Variants in SOX6 observed in about 807,000 individuals in gnomAD.
The protein encoded by SOX6 is transcription factor SOX-6.
SOX6 carries 11 observed loss-of-function variants against 97.8 expected under a neutral mutation model. The observed-to-expected ratio is 0.11, with a 90% CI of 0.07 to 0.19. SOX6 has a LOEUF of 0.19. Ranked by LOEUF, SOX6 falls within the 10% of genes least tolerant of loss-of-function variation. The pLI is 1.00. For synonymous variants in SOX6, 360 were observed against 371.4 expected, an observed-to-expected ratio of 0.97 and a Z score of 0.35; for missense variants, 810 against 1,039.5, an observed-to-expected ratio of 0.78 and a Z score of 3.04.
At chr11:16,322,391 C>T (rs1038646297) in intron 2 of SOX6, among the ~76,000 whole-genome samples, 3 of 152,174 alleles carry the variant, frequency 2.0e-5, no homozygotes, top group Non-Finnish European at 4.4e-5. Context: ...TTCCCCTTTG[C>T]TTTCCGCCAT....
chr11:16,019,472 T>C (rs1049980098), intron 12 of SOX6, among the ~76,000 whole-genome samples: 5 of 152,088 alleles, frequency 3.3e-5, no homozygotes, highest in Non-Finnish European at 5.9e-5. Flanking sequence ...TAAAAAATGA[T>C]TATCTCATGT....
intron 2 of SOX6, among the ~76,000 whole-genome samples, chr11:16,717,260 T>G (rs1405970908): frequency 6.6e-6 from 1 of 152,152 alleles, no homozygotes; most frequent in Admixed American, 6.5e-5. Flanking sequence ...TAAACTAGTT[T>G]GGCTCTGTGA....
intron 1 of SOX6, among the ~76,000 whole-genome samples, chr11:16,355,094 A>G (rs1857039710): frequency 6.6e-6 from 1 of 151,940 alleles, no homozygotes; most frequent in Admixed American, 6.6e-5. Context: ...CATTATCACA[A>G]AATAGGTATT....
chr11:16,660,627 A>G (rs1412192459), intron 3 of SOX6, among the ~76,000 whole-genome samples: 1 of 152,212 alleles, frequency 6.6e-6, no homozygotes, highest in Non-Finnish European at 1.5e-5. Flanking sequence ...CCCAAAATTC[A>G]TATGTTGAAA....
intron 1 of SOX6, among the ~76,000 whole-genome samples, chr11:16,435,496 T>C (rs1859359473): frequency 6.6e-6 from 1 of 152,134 alleles, no homozygotes; most frequent in South Asian, 2.1e-4. Flanking sequence ...TCATAGAATT[T>C]TAGATCTAAA....
chr11:16,373,810 A>G, intron 1 of SOX6, among the ~76,000 whole-genome samples: 1 of 134,772 alleles, frequency 7.4e-6, no homozygotes, highest in South Asian at 2.7e-4. Context: ...AGGGGGAGGG[A>G]GGGAGGGAGA....
intron 4 of SOX6, among the ~76,000 whole-genome samples, chr11:16,584,528 GCTACTGTCCTTTTT>G (rs1285839192): frequency 9.9e-5 from 15 of 152,234 alleles, no homozygotes; most frequent in African/African-American, 3.4e-4. Context: ...CACTGCTACA[GCTACTGTCCTTTTT>G]CCACTGCTGC....
At chr11:16,117,788 C>T (rs1849389732) in intron 6 of SOX6, among the ~76,000 whole-genome samples, 2 of 152,134 alleles carry the variant, frequency 1.3e-5, no homozygotes. Context: ...TTTTCCCTAC[C>T]TTCCCATCAT....
intron 6 of SOX6, among the ~76,000 whole-genome samples, chr11:16,163,714 C>T (rs147034340): frequency 1.1e-4 from 16 of 152,322 alleles, no homozygotes; most frequent in African/African-American, 2.4e-4. Flanking sequence ...GGGGCCTTGA[C>T]GCTACATGAT....
chr11:16,417,870 T>A (rs941553408), intron 1 of SOX6, among the ~76,000 whole-genome samples: 1 of 152,248 alleles, frequency 6.6e-6, no homozygotes, highest in Non-Finnish European at 1.5e-5. Flanking sequence ...AAGTGCTTTG[T>A]CTACTATAAA....
chr11:16,346,244 G>C (rs1389328462), intron 1 of SOX6, among the ~76,000 whole-genome samples: 1 of 151,974 alleles, frequency 6.6e-6, no homozygotes, highest in South Asian at 2.1e-4. Flanking sequence ...ATATATCACA[G>C]TGCCTCTCAT....
chr11:16,117,316 G>A (rs572094663), intron 6 of SOX6, among the ~76,000 whole-genome samples: 1 of 152,080 alleles, frequency 6.6e-6, no homozygotes, highest in East Asian at 1.9e-4. Flanking sequence ...TCATGCCACC[G>A]CACTCCAGCC....
In SOX6 at chr11:15,972,231, AG is replaced by A. The variant is rs1172582233; in HGVS notation, c.*577del. On this transcript the variant is annotated 3_prime_UTR_variant, in exon 16 of 16. Transcript: ENST00000683767. ...GACTTTCAAAATATTAAGATTCAAA[AG>A]TTACGAAAAAGTTTGGCACATTCAA... 6.5e-6 allele frequency: 1 copy of A among 153,024 alleles called. No individual in the cohort carries two copies. Among genetic ancestry groups the A allele is most frequent in the Non-Finnish European group, 1.5e-5 (1 of 68,352 alleles). 9.5% of individuals were successfully genotyped at this position (153,024 alleles called of 1,614,324 possible). A position where few individuals can be genotyped will look rare whatever the true frequency, so the allele number is the denominator to read the frequency against.
At chr11:16,446,751 T>C (rs1235168841) in intron 1 of SOX6, among the ~76,000 whole-genome samples, 2 of 152,026 alleles carry the variant, frequency 1.3e-5, no homozygotes, top group African/African-American at 4.8e-5. Context: ...GCCTGTAGCA[T>C]AAGATGTAAT....
intron 2 of SOX6, among the ~76,000 whole-genome samples, chr11:16,326,937 GA>G (rs1236682139): frequency 6.6e-6 from 1 of 152,118 alleles, no homozygotes; most frequent in Non-Finnish European, 1.5e-5. Context: ...GGGTTTCTTG[GA>G]CATCTTACTC....
At chr11:16,476,595 T>A (rs1267630407), upstream of SOX6, among the ~76,000 whole-genome samples, 1 of 152,122 alleles carries the variant, frequency 6.6e-6, no homozygotes, top group Non-Finnish European at 1.5e-5. Flanking sequence ...CACATTTCCA[T>A]CCAATATTGC....
chr11:16,260,131 C>A (rs1177691521), intron 3 of SOX6, among the ~76,000 whole-genome samples: 1 of 152,014 alleles, frequency 6.6e-6, no homozygotes, highest in African/African-American at 2.4e-5. Context: ...TCCCGAGTAG[C>A]TGGGACTACA....
intron 1 of SOX6, among the ~76,000 whole-genome samples, chr11:16,369,493 CAATT>C (rs1465441322): frequency 6.6e-6 from 1 of 152,068 alleles, no homozygotes; most frequent in Admixed American, 6.6e-5. Context: ...GTACAAGAAT[CAATT>C]AATTAGTTTC....
chr11:16,518,723 C>T (rs1010195050), intron 4 of SOX6, among the ~76,000 whole-genome samples: 1 of 151,990 alleles, frequency 6.6e-6, no homozygotes, highest in African/African-American at 2.4e-5. Flanking sequence ...TGCTGTGTGC[C>T]ACATCATATT....
Sources: allele counts gnomAD v4.1 joint callset (sites outside exome capture counted in the v4.1 genomes callset), GRCh38; gene constraint gnomAD v4.1.1; transcripts MANE v1.5; gene names NCBI Gene and HGNC (gene_info 2026-07-23, HGNC 2026-07-21).